BBLN: variants seen among roughly 807,000 people sequenced by gnomAD.
The protein encoded by BBLN is bublin coiled-coil protein.
BBLN carries 6 observed loss-of-function variants against 7.6 expected under a neutral mutation model. The ratio of observed to expected loss-of-function variants is 0.79; its 90% CI spans 0.43 to 1.55. The LOEUF is 1.55. Ranked by LOEUF, BBLN falls within the 40% of genes most tolerant of loss-of-function variation. BBLN has a pLI of 0.01. For synonymous variants in BBLN, 35 were observed against 46.7 expected (o/e 0.75, Z 1.02); for missense variants, 100 against 111.1 (o/e 0.90, Z 0.45).
Position 128,163,302 on chromosome 9 carries a change from G to T in BBLN, c.80-141G>T. 1 of 640,848 alleles carries T rather than the reference G, an allele frequency of 1.6e-6. No individual in the cohort carries two copies. 39.7% of individuals were successfully genotyped at this position (640,848 alleles called of 1,614,324 possible). On this transcript the variant is annotated intron_variant, in intron 1 of 1. Coordinates refer to ENST00000372994, the MANE Select transcript of BBLN (RefSeq NM_024112.4). This position sits in a 1 kb window ranked among gnomAD's most constrained non-coding sequence, Gnocchi z 5.7. ...CTTTTGGTATTCCACCCATTTTCCAGACGGTGACACTGAGGCTCAGGAAGC... is the reference window on the plus strand; with the variant it reads ...CTTTTGGTATTCCACCCATTTTCCATACGGTGACACTGAGGCTCAGGAAGC...
chr9:128,160,937 G>A (rs924920840), intron 1 of BBLN, among the ~76,000 whole-genome samples: 2 of 152,216 alleles, frequency 1.3e-5, no homozygotes, highest in African/African-American at 4.8e-5. Context: ...GCAGCTTACA[G>A]AGCAGCCTTT....
intron 1 of BBLN, among the ~76,000 whole-genome samples, chr9:128,161,272 A>ATGGGTAAG (rs1829252125): frequency 4.7e-5 from 1 of 21,270 alleles, no homozygotes; most frequent in Non-Finnish European, 4.2e-3. Context: ...GAGCTATACA[A>ATGGGTAAG]CTTACCCATA....
chr9:128,163,354 G>T lies in BBLN; in HGVS notation c.80-89G>T. ...GTAGGGACTTGCACAAAGCCCTTTG[G>T]GAAGCAGGCTGGGAAACAGTGGAGG... On this transcript the variant is annotated intron_variant, in intron 1 of 1. Transcript: ENST00000372994. The surrounding 1 kb of genome is among the most constrained non-coding windows in gnomAD (Gnocchi z 5.7). 7.8e-7 allele frequency: 1 copy of T among 1,284,784 alleles called. No individual in the cohort carries two copies. 79.6% of individuals were successfully genotyped at this position (1,284,784 alleles called of 1,614,324 possible).
Position 128,163,318 on chromosome 9 carries a change from C to A in BBLN, c.80-125C>A. The A allele has an allele frequency of 1.2e-6, 1 of 803,730 alleles. No individual in the cohort carries two copies. Among genetic ancestry groups the A allele is most frequent in the Non-Finnish European group, 1.9e-6 (1 of 536,004 alleles). 49.8% of individuals were successfully genotyped at this position (803,730 alleles called of 1,614,324 possible). The stretch of plus-strand genomic sequence containing the variant: ...CATTTTCCAGACGGTGACACTGAGG[C>A]TCAGGAAGCAGTAGGGACTTGCACA... On this transcript the variant is annotated intron_variant, in intron 1 of 1. Transcript: ENST00000372994. The surrounding 1 kb of genome is among the most constrained non-coding windows in gnomAD (Gnocchi z 5.7).
chr9:128,161,024 C>T (rs1016305703), intron 1 of BBLN, among the ~76,000 whole-genome samples: 1 of 138,984 alleles, frequency 7.2e-6, no homozygotes, highest in Non-Finnish European at 1.5e-5. Flanking sequence ...CCTCAGTTTC[C>T]CCCTCTATAA....
rs1829278410 is a variant in BBLN at position 128,163,671 on chromosome 9, C to G, written c.*56C>G. 7.3e-7 allele frequency: 1 copy of G among 1,368,496 alleles called. No individual in the cohort carries two copies. Among genetic ancestry groups the G allele is most frequent in the African/African-American group, 1.5e-5 (1 of 67,366 alleles). 84.8% of individuals were successfully genotyped at this position (1,368,496 alleles called of 1,614,324 possible). On this transcript the variant is annotated 3_prime_UTR_variant, in exon 2 of 2. Coordinates refer to ENST00000372994, the MANE Select transcript of BBLN (RefSeq NM_024112.4). This position sits in a 1 kb window ranked among gnomAD's most constrained non-coding sequence, Gnocchi z 5.7. ...CTGCCTCCCTGGGCTAGGCTCTGGCCTGGGCACTCACCCCCTGGCTTAGAC... is the reference window on the plus strand; with the variant it reads ...CTGCCTCCCTGGGCTAGGCTCTGGCGTGGGCACTCACCCCCTGGCTTAGAC...
Position 128,163,476 on chromosome 9 carries a change from T to G in BBLN, c.113T>G (p.Ile38Ser). The change falls in exon 2 of 2, where the codon ATC (isoleucine) becomes AGC (serine). Residue 38 changes from isoleucine (I) to serine (S), a missense_variant. Coordinates refer to ENST00000372994, the MANE Select transcript of BBLN (RefSeq NM_024112.4). This position sits in a 1 kb window ranked among gnomAD's most constrained non-coding sequence, Gnocchi z 5.7. Reference sequence around the variant, plus strand: ...GCCATCAACTCCATGCTGGACCAGATCAACTCCTGTCTGGACCACCTGGAG... The same window carrying G: ...GCCATCAACTCCATGCTGGACCAGAGCAACTCCTGTCTGGACCACCTGGAG... ...YAAINSMLDQ[I>S]NSCLDHLEEK... The G allele has an allele frequency of 1.9e-6, 3 of 1,604,332 alleles. No homozygotes were observed. Among genetic ancestry groups the G allele is most frequent in the Non-Finnish European group, 2.6e-6 (3 of 1,174,494 alleles).
intron 1 of BBLN, among the ~76,000 whole-genome samples, chr9:128,161,772 C>G (rs1829257913): frequency 6.6e-6 from 1 of 152,060 alleles, no homozygotes; most frequent in Admixed American, 6.6e-5. Flanking sequence ...TCCCGAGTAG[C>G]TGGGACTACA....
chr9:128,160,507 G>T, intron 1 of BBLN, 21 bp downstream of exon 1: 1 of 1,278,632 alleles, frequency 7.8e-7, no homozygotes, highest in Non-Finnish European at 1.0e-6. Flanking sequence ...GGGGCTGCTG[G>T]AGCAACCTTG....
In BBLN at chr9:128,160,322, C is replaced by T. The variant is rs1829240311; in HGVS notation, c.-86C>T. ...CTTCCGGCCCGTGTTCTATCCGCCG[C>T]CTCCACCTTCCATCCGGCGCCGGCT... On this transcript the variant is annotated 5_prime_UTR_variant, in exon 1 of 2. Transcript: ENST00000372994. The T allele has an allele frequency of 2.7e-6, 2 of 731,344 alleles. No individual in the cohort carries two copies. Among genetic ancestry groups the T allele is most frequent in the Non-Finnish European group, 3.8e-6 (2 of 527,690 alleles). The allele number at this position is 731,344 out of a possible 1,614,324, so 45.3% of individuals were successfully genotyped here.
Position 128,163,738 on chromosome 9 carries a change from G to C in BBLN, c.*123G>C. The C allele has an allele frequency of 1.2e-6, 1 of 821,232 alleles. No individual in the cohort carries two copies. 50.9% of individuals were successfully genotyped at this position (821,232 alleles called of 1,614,324 possible). On this transcript the variant is annotated 3_prime_UTR_variant, in exon 2 of 2. Transcript: ENST00000372994. The surrounding 1 kb of genome is among the most constrained non-coding windows in gnomAD (Gnocchi z 5.7). ...GCCTTCAGGGACCCCTGGTGGGTCT[G>C]CCTGCCTGGGCCACCCTTCCTGCCT...
rs747104395 is a variant in BBLN, at chr9:128,163,522, C to T, written c.159C>T (p.His53=). 3.1e-6 allele frequency: 5 copies of T among 1,612,432 alleles called. No homozygotes were observed. The highest frequency in any genetic ancestry group is 2.2e-5 in the East Asian group (1 of 44,786). ...TGGAGGAGAAGAATGACCACCTCCACGCCCGCCTCCAGGAGCTGCTGGAGT... is the reference window on the plus strand; with the variant it reads ...TGGAGGAGAAGAATGACCACCTCCATGCCCGCCTCCAGGAGCTGCTGGAGT... ...DHLEEKNDHL[H]ARLQELLESN... Residue 53 remains histidine (H), a synonymous_variant, in exon 2 of 2, where the codon CAC becomes CAT. Coordinates refer to ENST00000372994, the MANE Select transcript of BBLN (RefSeq NM_024112.4). This position sits in a 1 kb window ranked among gnomAD's most constrained non-coding sequence, Gnocchi z 5.7.
chr9:128,160,518 C>T (rs1829243295), intron 1 of BBLN, 32 bp downstream of exon 1: 4 of 1,246,516 alleles, frequency 3.2e-6, no homozygotes, highest in East Asian at 3.1e-5. Context: ...AGCAACCTTG[C>T]ATTTTCAGGG....
At chr9:128,161,005 C>T (rs1336842594) in intron 1 of BBLN, among the ~76,000 whole-genome samples, 8 of 149,276 alleles carry the variant, frequency 5.4e-5, no homozygotes, top group Admixed American at 4.7e-4. Flanking sequence ...CCCTTCTCAC[C>T]TTCTTCAGCC....
rs1429300271 is a variant in BBLN at position 128,160,373 on chromosome 9, A to T, written c.-35A>T. ...TTCGGCGCGACGGTCGCCGCGTTCC[A>T]TCGTCGCGCGGCCCTTCGGGCGCCC... On this transcript the variant is annotated 5_prime_UTR_variant, in exon 1 of 2. Coordinates refer to ENST00000372994, the MANE Select transcript of BBLN (RefSeq NM_024112.4). 8.2e-7 allele frequency: 1 copy of T among 1,218,468 alleles called. No homozygotes were observed. The highest frequency in any genetic ancestry group is 1.6e-5 in the African/African-American group (1 of 63,842). The allele number at this position is 1,218,468 out of a possible 1,614,324, so 75.5% of individuals were successfully genotyped here.
chr9:128,163,792 C>G lies in BBLN; in HGVS notation c.*177C>G. On this transcript the variant is annotated 3_prime_UTR_variant, in exon 2 of 2. Coordinates refer to ENST00000372994, the MANE Select transcript of BBLN (RefSeq NM_024112.4). This position sits in a 1 kb window ranked among gnomAD's most constrained non-coding sequence, Gnocchi z 5.7. The stretch of plus-strand genomic sequence containing the variant: ...CCTCCCCTTGGCCTACCTGGGCCAG[C>G]CCCCACCACCTGGCATGCCCTCCTG... 1.8e-6 allele frequency: 1 copy of G among 561,506 alleles called. No homozygotes were observed. The highest frequency in any genetic ancestry group is 3.2e-5 in the East Asian group (1 of 31,160). 34.8% of individuals were successfully genotyped at this position (561,506 alleles called of 1,614,324 possible). A position where few individuals can be genotyped will look rare whatever the true frequency, so the allele number is the denominator to read the frequency against.
chr9:128,160,325 C>T lies in BBLN; in HGVS notation c.-83C>T. On this transcript the variant is annotated 5_prime_UTR_variant, in exon 1 of 2. Transcript: ENST00000372994. Reference sequence around the variant, plus strand: ...CCGGCCCGTGTTCTATCCGCCGCCTCCACCTTCCATCCGGCGCCGGCTTTC... The same window carrying T: ...CCGGCCCGTGTTCTATCCGCCGCCTTCACCTTCCATCCGGCGCCGGCTTTC... The T allele has an allele frequency of 1.3e-6, 1 of 784,036 alleles. No homozygotes were observed. The highest frequency in any genetic ancestry group is 1.7e-6 in the Non-Finnish European group (1 of 575,704). 48.6% of individuals were successfully genotyped at this position (784,036 alleles called of 1,614,324 possible).
At chr9:128,160,887 C>T (rs1299473560) in intron 1 of BBLN, among the ~76,000 whole-genome samples, 2 of 152,184 alleles carry the variant, frequency 1.3e-5, no homozygotes, top group Non-Finnish European at 2.9e-5. Context: ...CCCAGCCACC[C>T]GGCTTTGCTG....
chr9:128,161,697 G>C (rs1829256856), intron 1 of BBLN, among the ~76,000 whole-genome samples: 2 of 151,226 alleles, frequency 1.3e-5, no homozygotes, highest in Non-Finnish European at 2.9e-5. Context: ...CTGGAGTACA[G>C]TGGCGTGATC....
Sources: allele counts gnomAD v4.1 joint callset (sites outside exome capture counted in the v4.1 genomes callset), GRCh38; gene constraint gnomAD v4.1.1; non-coding constraint Gnocchi (gnomAD v3.1); transcripts MANE v1.5; gene names NCBI Gene and HGNC (gene_info 2026-07-23, HGNC 2026-07-21).